The following TANK variants were observed in gnomAD, a reference collection of about 807,000 sequenced individuals.
The protein encoded by TANK is TRAF family member-associated NF-kappa-B activator.
In TANK, 15 loss-of-function variants were observed where a neutral mutation model predicts 43.6. The ratio of observed to expected loss-of-function variants is 0.34; its 90% confidence interval spans 0.23 to 0.53. TANK has a LOEUF of 0.53. Among genes scored for constraint, TANK ranks in the 20% least tolerant of loss-of-function variants. The probability of loss-of-function intolerance (pLI) is 0.94; values close to 1 mark genes in which losing one functional copy is unlikely to be tolerated. For missense variants in TANK, 417 were observed against 498.6 expected, an observed-to-expected ratio of 0.84 and a Z score of 1.56; for synonymous variants, 162 against 178.2, an observed-to-expected ratio of 0.91 and a Z score of 0.73.
chr2:161,167,212 G>T (rs1015703031), intron 1 of TANK, among the ~76,000 whole-genome samples: 1 of 152,190 alleles, frequency 6.6e-6, no homozygotes, highest in Non-Finnish European at 1.5e-5. Context: ...TCAAGATGGC[G>T]AAAATCCTAC....
chr2:161,207,591 G>A, intron 4 of TANK: 1 of 985,164 alleles, frequency 1.0e-6, no homozygotes, highest in Non-Finnish European at 1.2e-6. Context: ...TTTGAGAGTT[G>A]GCTGTGTGCT....
intron 1 of TANK, among the ~76,000 whole-genome samples, chr2:161,175,777 C>CT (rs1685148743): frequency 6.6e-6 from 1 of 152,094 alleles, no homozygotes; most frequent in South Asian, 2.1e-4. Context: ...CAAGAACCGA[C>CT]TGCCCTCAGT....
intron 1 of TANK, among the ~76,000 whole-genome samples, chr2:161,142,364 G>A (rs1683775058): frequency 6.6e-6 from 1 of 152,106 alleles, no homozygotes; most frequent in Admixed American, 6.5e-5. Flanking sequence ...TTGTTGCATT[G>A]CTTTTGGCAT....
intron 2 of TANK, among the ~76,000 whole-genome samples, chr2:161,185,170 G>A (rs764346304): frequency 3.3e-5 from 5 of 152,102 alleles, no homozygotes; most frequent in Non-Finnish European, 5.9e-5. Flanking sequence ...ACTCTACAAG[G>A]TAAGAAACAA....
At position 161,194,362 on chromosome 2, in the gene TANK, A is replaced by G. The variant is rs185230734; in HGVS notation, c.100-9125A>G. 9.5e-4 allele frequency among the ~76,000 whole-genome samples: 145 copies of G among 152,216 alleles called. No individual in the cohort carries two copies. In the East Asian group the frequency reaches 0.013, roughly 14 times the overall value. On this transcript the variant is annotated intron_variant, in intron 2 of 7. Transcript: ENST00000392749. ...AAGAGAAAAACTGACAAAGTCTTAC[A>G]TAGAAAGGAAGCATTCTCCTTAATT...
rs774983519 is a variant in TANK at position 161,224,726 on chromosome 2, A to C, written c.500A>C (p.Asn167Thr). 4 of 1,565,864 alleles carry C rather than the reference A, an allele frequency of 2.6e-6. No individual in the cohort carries two copies. The highest frequency in any genetic ancestry group is 2.3e-5 in the East Asian group (1 of 43,392). Residue 167 changes from asparagine to threonine, a missense_variant, in exon 6 of 8, where the codon AAT becomes ACT. Coordinates refer to ENST00000392749, the MANE Select transcript of TANK (RefSeq NM_001199135.3). ...KAQKDHLSKL[N>T]IPDTATETQC... Reference sequence around the variant, plus strand: ...CAGAAAGACCACTTAAGCAAACTTAATATACCAGACACTGCAACTGGTAAG... The same window carrying C: ...CAGAAAGACCACTTAAGCAAACTTACTATACCAGACACTGCAACTGGTAAG...
chr2:161,186,751 A>C (rs1452396587), intron 2 of TANK, among the ~76,000 whole-genome samples: 2 of 152,218 alleles, frequency 1.3e-5, no homozygotes, highest in Non-Finnish European at 2.9e-5. Flanking sequence ...CAACCTACAG[A>C]ATGGGAGAAA....
chr2:161,159,787 T>C (rs1172413826), upstream of TANK, among the ~76,000 whole-genome samples: 1 of 152,218 alleles, frequency 6.6e-6, no homozygotes, highest in Non-Finnish European at 1.5e-5. Context: ...ATTGGAATAA[T>C]GGGAAAGTCT....
chr2:161,196,838 G>T (rs959753717), intron 2 of TANK, among the ~76,000 whole-genome samples: 1 of 152,114 alleles, frequency 6.6e-6, no homozygotes, highest in African/African-American at 2.4e-5. Flanking sequence ...TTAAGACTCA[G>T]TTTCCTCATC....
intron 4 of TANK, among the ~76,000 whole-genome samples, chr2:161,213,207 G>T (rs1358585295): frequency 6.6e-6 from 1 of 152,038 alleles, no homozygotes; most frequent in Non-Finnish European, 1.5e-5. Context: ...CCAACATTGG[G>T]GATCAAATTT....
intron 1 of TANK, 105 bp downstream of exon 1, chr2:161,160,591 C>A: frequency 3.1e-6 from 3 of 967,734 alleles, no homozygotes; most frequent in Non-Finnish European, 4.2e-6. Flanking sequence ...AGGGGCGCCG[C>A]AGGGAGAGAA....
intron 1 of TANK, among the ~76,000 whole-genome samples, chr2:161,148,376 T>C (rs1019403429): frequency 2.6e-5 from 4 of 152,180 alleles, no homozygotes; most frequent in African/African-American, 7.2e-5. Context: ...AATTGGATTG[T>C]TTGTCTTTTT....
At chr2:161,182,200 A>G (rs1685460368) in intron 2 of TANK, among the ~76,000 whole-genome samples, 1 of 152,100 alleles carries the variant, frequency 6.6e-6, no homozygotes, top group Admixed American at 6.5e-5. Flanking sequence ...TTGTGACCAA[A>G]TGTGTGTGGG....
At chr2:161,189,213 A>G (rs1685804234) in intron 2 of TANK, among the ~76,000 whole-genome samples, 1 of 152,198 alleles carries the variant, frequency 6.6e-6, no homozygotes, top group African/African-American at 2.4e-5. Context: ...TTATTCCTAT[A>G]ATGCAGTAAT....
chr2:161,200,177 A>T (rs760405587), intron 2 of TANK: 2 of 169,858 alleles, frequency 1.2e-5, no homozygotes, highest in African/African-American at 4.8e-5. Context: ...TTTAGCTGTC[A>T]TGTCTGTGCT....
intron 1 of TANK, chr2:161,137,345 G>A: frequency 2.3e-6 from 1 of 439,138 alleles, no homozygotes; most frequent in Non-Finnish European, 3.0e-6. Flanking sequence ...GCAACATAGT[G>A]AGACCCCATC....
intron 4 of TANK, among the ~76,000 whole-genome samples, chr2:161,214,209 GC>G (rs1687024580): frequency 2.0e-5 from 3 of 152,102 alleles, no homozygotes; most frequent in African/African-American, 7.2e-5. Flanking sequence ...AACATGACAG[GC>G]TAACTTCATT....
In TANK at chr2:161,179,855, G is replaced by T. The variant is rs112309819; in HGVS notation, c.99+94G>T. Reference sequence around the variant, plus strand: ...GAAAAATGTTATATTGTTAGAAATTGCCCTGAAGAACTATAATTACAGAAA... The same window carrying T: ...GAAAAATGTTATATTGTTAGAAATTTCCCTGAAGAACTATAATTACAGAAA... On this transcript the variant is annotated intron_variant, in intron 2 of 7. Transcript: ENST00000392749. The T allele has an allele frequency of 3.5e-6, 5 of 1,427,206 alleles. No individual in the cohort carries two copies. The African/African-American group carries it at 5.8e-5, about 17-fold the overall frequency. 88.4% of individuals were successfully genotyped at this position (1,427,206 alleles called of 1,614,324 possible).
chr2:161,172,373 TTG>T (rs1491331409), intron 1 of TANK, among the ~76,000 whole-genome samples: 3 of 150,164 alleles, frequency 2.0e-5, no homozygotes, highest in African/African-American at 7.3e-5. Context: ...TTTTTTTTTT[TTG>T]GGGGTAAAAC....
Sources: gnomAD v4.1 joint callset for allele counts (sites outside exome capture counted in the v4.1 genomes callset) on GRCh38, gnomAD v4.1.1 for gene constraint, MANE v1.5 for transcripts, NCBI Gene and HGNC (gene_info 2026-07-23, HGNC 2026-07-21) for gene names.